Variants in EXOC4 observed in about 807,000 individuals in gnomAD.
The protein encoded by EXOC4 is exocyst complex component 4.
A neutral mutation model predicts 107.2 loss-of-function variants in EXOC4; 71 were observed. That is an observed-to-expected ratio of 0.66 (90% CI 0.55 to 0.81). The LOEUF (loss-of-function observed/expected upper bound fraction) is 0.81, where lower values mean the gene tolerates loss of function less well. Ranked by LOEUF, EXOC4 falls within the 30% of genes least tolerant of loss-of-function variation. The pLI, the probability that EXOC4 is intolerant of heterozygous loss-of-function variation, is 0.00. For missense variants in EXOC4, 1,108 were observed against 1,189.6 expected, an observed-to-expected ratio of 0.93 and a Z score of 1.01; for synonymous variants, 456 against 441.2, an observed-to-expected ratio of 1.03 and a Z score of -0.42.
chr7:133,827,582 C>A (rs1421847372), intron 11 of EXOC4, among the ~76,000 whole-genome samples: 2 of 152,154 alleles, frequency 1.3e-5, no homozygotes, highest in South Asian at 4.1e-4. Flanking sequence ...CTGCCACCAA[C>A]CTTACACATT....
chr7:134,009,115 A>G (rs1794711015), intron 17 of EXOC4, among the ~76,000 whole-genome samples: 1 of 152,136 alleles, frequency 6.6e-6, no homozygotes, highest in East Asian at 1.9e-4. Flanking sequence ...TTCATGCTCT[A>G]TTGCCGTTTA....
intron 10 of EXOC4, among the ~76,000 whole-genome samples, chr7:133,737,909 C>CTTTTTTTTTTTTT (rs10673346): frequency 2.2e-5 from 2 of 89,322 alleles, no homozygotes; most frequent in Non-Finnish European, 4.0e-5. Flanking sequence ...ATTTTTCTTT[C>CTTTTTTTTTTTTT]TTTTTTTTTT....
chr7:133,870,669 G>A (rs780796308), intron 11 of EXOC4, among the ~76,000 whole-genome samples: 10 of 152,164 alleles, frequency 6.6e-5, no homozygotes, highest in South Asian at 2.1e-4. Context: ...ACAAGACCTC[G>A]CTTAGAGAGT....
intron 10 of EXOC4, among the ~76,000 whole-genome samples, chr7:133,776,328 C>T (rs1383099101): frequency 6.6e-6 from 1 of 152,166 alleles, no homozygotes; most frequent in Non-Finnish European, 1.5e-5. Flanking sequence ...CTTTTCTGAT[C>T]CTGCCAACTG....
chr7:133,773,275 C>T lies in EXOC4; in HGVS notation c.1515-44050C>T, dbSNP rs541816114. On this transcript the variant is annotated intron_variant, in intron 10 of 17. Coordinates refer to ENST00000253861, the MANE Select transcript of EXOC4 (RefSeq NM_021807.4). The stretch of plus-strand genomic sequence containing the variant: ...CAACCCAAGTTATCATAACTGGTGT[C>T]TCTAGGACAGTGCTTCCCAAACATG... Among the ~76,000 whole-genome samples, 6 of 152,100 alleles carry T rather than the reference C, an allele frequency of 3.9e-5. No homozygotes were observed. The South Asian group carries it at 1.2e-3, about 32-fold the overall frequency.
intron 10 of EXOC4, among the ~76,000 whole-genome samples, chr7:133,737,936 G>T (rs1477591431): frequency 2.8e-5 from 3 of 107,726 alleles, no homozygotes; most frequent in Non-Finnish European, 3.6e-5. Context: ...TTTTGAGACG[G>T]GGTCTTGCTC....
At chr7:133,887,880 A>G (rs975761902) in intron 11 of EXOC4, among the ~76,000 whole-genome samples, 9 of 152,202 alleles carry the variant, frequency 5.9e-5, no homozygotes, top group African/African-American at 2.2e-4. Context: ...AGGGACGTGT[A>G]GCCAGGCAGA....
intron 11 of EXOC4, among the ~76,000 whole-genome samples, chr7:133,887,548 G>GAGT (rs1799112978): frequency 6.6e-6 from 1 of 152,166 alleles, no homozygotes; most frequent in Non-Finnish European, 1.5e-5. Context: ...TTTAATGCAT[G>GAGT]AGTCATGGGG....
chr7:133,326,569 G>A (rs1795246827), intron 5 of EXOC4, among the ~76,000 whole-genome samples: 1 of 152,202 alleles, frequency 6.6e-6, no homozygotes, highest in African/African-American at 2.4e-5. Flanking sequence ...TCCTCTGGAA[G>A]CTTCGTCTCA....
chr7:133,497,043 G>T (rs886064453), intron 9 of EXOC4, among the ~76,000 whole-genome samples: 5 of 152,028 alleles, frequency 3.3e-5, no homozygotes, highest in Non-Finnish European at 5.9e-5. Flanking sequence ...AGGACCTGGG[G>T]TCATCTCTGT....
At chr7:133,950,865 T>A (rs62470448) in intron 14 of EXOC4, among the ~76,000 whole-genome samples, 41,241 of 151,924 alleles carry the variant, frequency 0.27, 6,217 homozygotes, top group Non-Finnish European at 0.34. Flanking sequence ...AAAGAGGGAG[T>A]GTGACTAAAA....
In EXOC4 at chr7:133,576,876, A is replaced by G. The variant is rs1215526561; in HGVS notation, c.1418-53169A>G. On this transcript the variant is annotated intron_variant, in intron 9 of 17. Coordinates refer to ENST00000253861, the MANE Select transcript of EXOC4 (RefSeq NM_021807.4). Reference sequence around the variant, plus strand: ...TGTTTTAAGATGAATTCATCGGGTAATGTGTTTTAAGATTAAATTAACTTG... The same window carrying G: ...TGTTTTAAGATGAATTCATCGGGTAGTGTGTTTTAAGATTAAATTAACTTG... 3 of 1,289,214 alleles carry G rather than the reference A, an allele frequency of 2.3e-6. No homozygotes were observed. In the Admixed American group the frequency reaches 6.9e-5, roughly 30 times the overall value. 79.9% of individuals were successfully genotyped at this position (1,289,214 alleles called of 1,614,324 possible). A position where few individuals can be genotyped will look rare whatever the true frequency, so the allele number is the denominator to read the frequency against.
chr7:134,003,212 G>A (rs1441559957), intron 15 of EXOC4, among the ~76,000 whole-genome samples: 1 of 152,154 alleles, frequency 6.6e-6, no homozygotes, highest in Non-Finnish European at 1.5e-5. Context: ...GCTACATACT[G>A]TATGATTCCA....
chr7:133,549,081 G>T (rs553716648), intron 9 of EXOC4, among the ~76,000 whole-genome samples: 1 of 152,160 alleles, frequency 6.6e-6, no homozygotes, highest in Admixed American at 6.6e-5. Context: ...TTGGCTCACC[G>T]TAACCTCCAC....
At chr7:133,326,680 G>C (rs1233204530) in intron 5 of EXOC4, among the ~76,000 whole-genome samples, 1 of 152,204 alleles carries the variant, frequency 6.6e-6, no homozygotes. Context: ...GGGGCAGTCT[G>C]TCCGTTCTCA....
At chr7:133,347,497 C>G (rs781232220) in intron 5 of EXOC4, among the ~76,000 whole-genome samples, 7 of 152,154 alleles carry the variant, frequency 4.6e-5, no homozygotes, top group Non-Finnish European at 8.8e-5. Context: ...CTGCCTCAGC[C>G]TCCCAAAGTG....
intron 11 of EXOC4, among the ~76,000 whole-genome samples, chr7:133,834,897 T>G (rs185978706): frequency 2.0e-5 from 3 of 152,158 alleles, no homozygotes; most frequent in African/African-American, 4.8e-5. Context: ...AATTATGGGT[T>G]GGGGGGGTCT....
intron 7 of EXOC4, among the ~76,000 whole-genome samples, chr7:133,472,933 G>A (rs1798918812): frequency 6.6e-6 from 1 of 152,036 alleles, no homozygotes; most frequent in African/African-American, 2.4e-5. Context: ...ATTATACAAG[G>A]CCCCAGTCAT....
chr7:133,898,851 G>T (rs989853080), intron 12 of EXOC4, among the ~76,000 whole-genome samples: 1 of 151,156 alleles, frequency 6.6e-6, no homozygotes, highest in African/African-American at 2.4e-5. Context: ...GGTGGTGTAT[G>T]CCTATAATCC....
Sources: gnomAD v4.1 joint callset for allele counts (sites outside exome capture counted in the v4.1 genomes callset) on GRCh38, gnomAD v4.1.1 for gene constraint, MANE v1.5 for transcripts, NCBI Gene and HGNC (gene_info 2026-07-23, HGNC 2026-07-21) for gene names.